The following DNAJC2 variants were observed in gnomAD, a reference collection of about 807,000 sequenced individuals.
DNAJC2 encodes the protein dnaJ homolog subfamily C member 2.
In DNAJC2, 32 loss-of-function variants were observed where a neutral mutation model predicts 94.0. That is an observed-to-expected ratio of 0.34 (90% CI 0.26 to 0.46). The LOEUF is 0.46. Among genes scored for constraint, DNAJC2 ranks in the 20% least tolerant of loss-of-function variants. DNAJC2 has a pLI of 1.00. For synonymous variants in DNAJC2, 210 were observed against 229.7 expected (o/e 0.91, Z 0.77); for missense variants, 550 against 719.5 (o/e 0.76, Z 2.69).
intron 15 of DNAJC2, among the ~76,000 whole-genome samples, chr7:103,315,194 A>G (rs954325797): frequency 6.6e-6 from 1 of 150,648 alleles, no homozygotes; most frequent in Non-Finnish European, 1.5e-5. Flanking sequence ...GAGTCTTACT[A>G]TGTTTCCTGG....
Position 103,312,483 on chromosome 7 carries a change from A to G in DNAJC2, c.*86T>C. ...TATGTTGGAAGCAGCATACTTTCAAATTATTACCATGAGTATAATTTTAAG... is the reference window on the plus strand; with the variant it reads ...TATGTTGGAAGCAGCATACTTTCAAGTTATTACCATGAGTATAATTTTAAG... On this transcript the variant is annotated 3_prime_UTR_variant, in exon 17 of 17. Coordinates refer to ENST00000379263, the MANE Select transcript of DNAJC2 (RefSeq NM_014377.3). 1 of 1,560,848 alleles carries G rather than the reference A, an allele frequency of 6.4e-7. No individual in the cohort carries two copies. The highest frequency in any genetic ancestry group is 1.2e-5 in the South Asian group (1 of 81,752).
chr7:103,319,634 A>G lies in DNAJC2; in HGVS notation c.1217T>C (p.Val406Ala). ...NETLTSCTKEVGKAALEKQIE... is the reference protein window; with the variant it reads ...NETLTSCTKEAGKAALEKQIE... The stretch of plus-strand genomic sequence containing the variant: ...CTGTTTTTCCAAAGCAGCCTTTCCT[A>G]CTTCTTTTGTGCATGATGTGAGTGT... The change falls in exon 12 of 17, where the codon GTA (valine) becomes GCA (alanine). Residue 406 changes from valine (V) to alanine (A), a missense_variant. By Grantham distance (64) the Val-to-Ala change is moderately conservative (BLOSUM62 0). Around this residue, in one of 2 missense-constraint regions of DNAJC2, gnomAD observed 271 missense variants for 302.6 expected, o/e 0.90. Coordinates refer to ENST00000379263, the MANE Select transcript of DNAJC2 (RefSeq NM_014377.3). 6.2e-7 allele frequency: 1 copy of G among 1,614,080 alleles called. No individual in the cohort carries two copies. The highest frequency in any genetic ancestry group is 8.5e-7 in the Non-Finnish European group (1 of 1,180,008).
chr7:103,313,210 T>G (rs768383954), intron 15 of DNAJC2, 109 bp from the exon 16 acceptor site: 1 of 1,473,416 alleles, frequency 6.8e-7, no homozygotes. Context: ...GGATGTGTCA[T>G]TTTGAAAATA....
chr7:103,318,183 T>C (rs1818178610), intron 12 of DNAJC2, among the ~76,000 whole-genome samples: 1 of 152,112 alleles, frequency 6.6e-6, no homozygotes, highest in Admixed American at 6.6e-5. Flanking sequence ...CTGTTTTTTT[T>C]GAGACAAAGT....
intron 15 of DNAJC2, chr7:103,314,278 A>G: frequency 1.0e-6 from 1 of 985,434 alleles, no homozygotes; most frequent in South Asian, 4.7e-5. Context: ...CACAATACCA[A>G]AATAAATTAA....
At chr7:103,343,220 C>T (rs1247722600) in intron 1 of DNAJC2, among the ~76,000 whole-genome samples, 1 of 151,962 alleles carries the variant, frequency 6.6e-6, no homozygotes, top group East Asian at 1.9e-4. Flanking sequence ...AGGCTGGTCT[C>T]GAACTGCTGA....
rs966600269 is a variant in DNAJC2, at chr7:103,316,038, T to C, written c.1478A>G (p.Lys493Arg). 4 of 1,603,922 alleles carry C rather than the reference T, an allele frequency of 2.5e-6. No individual in the cohort carries two copies. The highest frequency in any genetic ancestry group is 2.2e-5 in the East Asian group (1 of 44,692). The change falls in exon 14 of 17, where the codon AAA (lysine) becomes AGA (arginine). Residue 493 changes from lysine (K) to arginine (R), a missense_variant. Lys to Arg is a conservative substitution (Grantham distance 26). This residue lies in a region of DNAJC2 where 271 missense variants were observed against 302.6 expected (regional missense o/e 0.90). Coordinates refer to ENST00000379263, the MANE Select transcript of DNAJC2 (RefSeq NM_014377.3). ...YMNIHSSSGV[K>R]RTAKDVIGKA... ...GCCAATAACATCTTTGGCAGTTCTT[T>C]TGACTCCAGAGGAAGAATGTATGTT...
intron 10 of DNAJC2, among the ~76,000 whole-genome samples, chr7:103,320,527 G>A (rs996458104): frequency 5.3e-5 from 8 of 151,294 alleles, no homozygotes; most frequent in Admixed American, 3.3e-4. Flanking sequence ...TTGGGAGGCC[G>A]AGGCAGGCGG....
chr7:103,329,997 G>A (rs1489332425), intron 3 of DNAJC2, among the ~76,000 whole-genome samples: 1 of 152,156 alleles, frequency 6.6e-6, no homozygotes, highest in Non-Finnish European at 1.5e-5. Context: ...TGGATTTTAG[G>A]TAATAGCATT....
rs754966522 is a variant in DNAJC2 at position 103,315,889 on chromosome 7, T to A, written c.1529-18A>T. 102 of 1,580,064 alleles carry A rather than the reference T, an allele frequency of 6.5e-5. No homozygotes were observed. The highest frequency in any genetic ancestry group is 1.7e-4 in the Middle Eastern group (1 of 5,988). The stretch of plus-strand genomic sequence containing the variant: ...ATGAGGGTCTGAGAAATGAAAAAAA[T>A]TTAATACTTAACAGATCATCATTTA... On this transcript the variant is annotated intron_variant, in intron 14 of 16. Coordinates refer to ENST00000379263, the MANE Select transcript of DNAJC2 (RefSeq NM_014377.3).
chr7:103,313,725 T>G (rs1817887864), intron 15 of DNAJC2: 4 of 985,404 alleles, frequency 4.1e-6, no homozygotes, highest in Non-Finnish European at 3.6e-6. Flanking sequence ...GCTATTGTGG[T>G]TCTTCAACTA....
chr7:103,312,885 G>A (rs1817832034), intron 16 of DNAJC2, 62 bp downstream of exon 16: 7 of 1,563,272 alleles, frequency 4.5e-6, no homozygotes, highest in East Asian at 2.2e-5. Flanking sequence ...CATAAAATAT[G>A]AGCTATATCA....
intron 15 of DNAJC2, chr7:103,313,402 C>G (rs1283907035): frequency 1.0e-6 from 1 of 983,808 alleles, no homozygotes; most frequent in Non-Finnish European, 1.2e-6. Context: ...GGTAAAAAGC[C>G]ATATTTAAAT....
At position 103,322,754 on chromosome 7, in the gene DNAJC2, T is replaced by C. The variant is rs756246234; in HGVS notation, c.760A>G (p.Thr254Ala). The C allele has an allele frequency of 3.7e-6, 6 of 1,609,114 alleles. No homozygotes were observed. The highest frequency in any genetic ancestry group is 5.1e-6 in the Non-Finnish European group (6 of 1,179,754). Residue 254 changes from threonine (T) to alanine (A), a missense_variant, in exon 8 of 17, where the codon ACA becomes GCA. Physicochemically the swap from Thr to Ala is moderately conservative, Grantham distance 58. Around this residue, in one of 2 missense-constraint regions of DNAJC2, gnomAD observed 279 missense variants for 416.9 expected, o/e 0.67. Transcript: ENST00000379263. ...TCTTCTTTTTTTCTTTGTGCTCTTG[T>C]TGCTCTGTTCTGCTTTTCAATCCAT... The part of the protein sequence containing the change: ...RRWIEKQNRA[T>A]RAQRKKEEMN...
At chr7:103,317,807 T>C (rs1004249829) in intron 12 of DNAJC2, among the ~76,000 whole-genome samples, 8 of 150,996 alleles carry the variant, frequency 5.3e-5, no homozygotes, top group African/African-American at 2.0e-4. Context: ...CCTGCCACCA[T>C]GCCCAGCTAA....
At chr7:103,323,198 A>G (rs1818516018) in intron 7 of DNAJC2, among the ~76,000 whole-genome samples, 1 of 152,152 alleles carries the variant, frequency 6.6e-6, no homozygotes, top group African/African-American at 2.4e-5. Context: ...CCAAAGTGCT[A>G]GGATTACAGG....
At position 103,316,814 on chromosome 7, in the gene DNAJC2, T is replaced by C. The variant is rs764601762; in HGVS notation, c.1427+16A>G. The stretch of plus-strand genomic sequence containing the variant: ...CTCCAGTGTGAGTTGAAGAAAAGTT[T>C]CATTAAAACCAGTACCTTGAATTTG... On this transcript the variant is annotated intron_variant, in intron 13 of 16. Coordinates refer to ENST00000379263, the MANE Select transcript of DNAJC2 (RefSeq NM_014377.3). 8 of 1,606,712 alleles carry C rather than the reference T, an allele frequency of 5.0e-6. No individual in the cohort carries two copies. In the South Asian group the frequency reaches 8.9e-5, roughly 18 times the overall value.
intron 2 of DNAJC2, among the ~76,000 whole-genome samples, chr7:103,338,098 C>T (rs531640159): frequency 6.6e-6 from 1 of 152,066 alleles, no homozygotes; most frequent in East Asian, 1.9e-4. Flanking sequence ...AGATCTCTGT[C>T]TCTACAAAAA....
chr7:103,322,869 A>C, intron 7 of DNAJC2, 75 bp from the exon 8 acceptor site: 1 of 1,115,616 alleles, frequency 9.0e-7, no homozygotes, highest in Middle Eastern at 2.9e-4. Flanking sequence ...ATTTTATAAA[A>C]TATTTATATG....
Sources: allele counts gnomAD v4.1 joint callset (sites outside exome capture counted in the v4.1 genomes callset), GRCh38; gene constraint gnomAD v4.1.1; regional missense constraint gnomAD v4.1.1; transcripts MANE v1.5; gene names NCBI Gene and HGNC (gene_info 2026-07-23, HGNC 2026-07-21).